The following SLC29A3 variants were observed in gnomAD, a reference collection of about 807,000 sequenced individuals.
SLC29A3 encodes solute carrier family 29 member 3, also known as equilibrative nucleoside transporter 3.
A neutral mutation model predicts 25.4 loss-of-function variants in SLC29A3; 18 were observed. That is an observed-to-expected ratio of 0.71 (90% CI 0.49 to 1.05). The LOEUF (loss-of-function observed/expected upper bound fraction) is 1.05. Ranked by LOEUF, SLC29A3 falls within the 50% of genes least tolerant of loss-of-function variation. The pLI is 0.00. For missense variants in SLC29A3, 586 were observed against 609.0 expected (o/e 0.96, Z 0.40); for synonymous variants, 258 against 267.1 (o/e 0.97, Z 0.33).
intron 3 of SLC29A3, among the ~76,000 whole-genome samples, chr10:71,344,604 A>T (rs1475719097): frequency 6.6e-6 from 1 of 152,196 alleles, no homozygotes; most frequent in Non-Finnish European, 1.5e-5. Flanking sequence ...TCAGTCTGCA[A>T]GTCTGTGGCC....
intron 3 of SLC29A3, among the ~76,000 whole-genome samples, chr10:71,350,991 A>G (rs1342642577): frequency 6.6e-6 from 1 of 152,230 alleles, no homozygotes; most frequent in Non-Finnish European, 1.5e-5. Context: ...TGCATTAAAC[A>G]CTGTTTGAGT....
At chr10:71,339,077 A>C (rs1240295319) in intron 2 of SLC29A3, among the ~76,000 whole-genome samples, 1 of 152,242 alleles carries the variant, frequency 6.6e-6, no homozygotes, top group Admixed American at 6.5e-5. Context: ...AGATGCTGCC[A>C]CCAGCACTCC....
At chr10:71,328,251 C>T (rs1336785467) in intron 2 of SLC29A3, among the ~76,000 whole-genome samples, 1 of 152,160 alleles carries the variant, frequency 6.6e-6, no homozygotes, top group Non-Finnish European at 1.5e-5. Flanking sequence ...CCCCATCTGA[C>T]CAGGAGGTAC....
chr10:71,344,866 T>G (rs1445888893), intron 3 of SLC29A3, among the ~76,000 whole-genome samples: 1 of 152,232 alleles, frequency 6.6e-6, no homozygotes, highest in Non-Finnish European at 1.5e-5. Flanking sequence ...CCCTAGCTAC[T>G]TTGCCTGCAT....
intron 5 of SLC29A3, among the ~76,000 whole-genome samples, chr10:71,356,891 T>C (rs771202179): frequency 2.6e-5 from 4 of 152,162 alleles, no homozygotes; most frequent in Non-Finnish European, 5.9e-5. Context: ...ACAGTACTAT[T>C]ATTATTTTTT....
intron 4 of SLC29A3, among the ~76,000 whole-genome samples, chr10:71,379,590 G>A (rs540235431): frequency 6.6e-6 from 1 of 152,248 alleles, no homozygotes; most frequent in East Asian, 1.9e-4. Context: ...TAGGCTCTTT[G>A]TTCTTCTCTT....
At chr10:71,369,801 CTG>C (rs1226692923) in intron 3 of SLC29A3, among the ~76,000 whole-genome samples, 1 of 152,190 alleles carries the variant, frequency 6.6e-6, no homozygotes, top group Non-Finnish European at 1.5e-5. Flanking sequence ...GATGAGGAAA[CTG>C]AGACTCAGAA....
intron 1 of SLC29A3, 91 bp from the exon 2 acceptor site, chr10:71,322,665 T>C: frequency 3.4e-6 from 5 of 1,473,576 alleles, no homozygotes; most frequent in Non-Finnish European, 4.7e-6. Flanking sequence ...GGGGGCATGG[T>C]CATTTTGTAG....
At chr10:71,377,045 C>G (rs948532557) in intron 4 of SLC29A3, among the ~76,000 whole-genome samples, 1 of 152,218 alleles carries the variant, frequency 6.6e-6, no homozygotes, top group Non-Finnish European at 1.5e-5. Flanking sequence ...GGATTACAGG[C>G]GTGAGCCACC....
intron 5 of SLC29A3, among the ~76,000 whole-genome samples, chr10:71,359,777 G>C (rs1026676268): frequency 1.4e-4 from 22 of 152,304 alleles, no homozygotes; most frequent in African/African-American, 4.8e-4. Flanking sequence ...CAGAGACAAG[G>C]CTGAAACCAG....
chr10:71,381,149 A>G (rs1274925617), exon 5 of SLC29A3: 2 of 152,294 alleles, frequency 1.3e-5, no homozygotes, highest in Non-Finnish European at 2.9e-5. Context: ...ATTTATCCAA[A>G]CCCACAGAAT....
rs151169722 is a variant in SLC29A3 at position 71,373,230 on chromosome 10, A to G, written c.*95-2465A>G. Among the ~76,000 whole-genome samples the G allele has an allele frequency of 7.9e-5, 12 of 152,350 alleles. No homozygotes were observed. The East Asian group carries it at 2.3e-3, about 29-fold the overall frequency. ...AACTGAATTGACTGCATTTTCTAAT[A>G]ATGTTGTGTGAATTACGAATGCAGA... On this transcript the variant is annotated intron_variant and NMD_transcript_variant, in intron 3 of 4. Transcript: ENST00000642772.
chr10:71,370,239 CA>C (rs1425571793), intron 3 of SLC29A3, among the ~76,000 whole-genome samples: 1 of 152,214 alleles, frequency 6.6e-6, no homozygotes, highest in Non-Finnish European at 1.5e-5. Context: ...TCCAACGTGC[CA>C]AGGAACCGTG....
downstream of SLC29A3, among the ~76,000 whole-genome samples, chr10:71,363,566 T>C (rs1160644085): frequency 6.9e-6 from 1 of 145,488 alleles, no homozygotes; most frequent in Non-Finnish European, 1.5e-5. Context: ...TGGGCTCCAG[T>C]GATCTTCCAG....
intron 2 of SLC29A3, among the ~76,000 whole-genome samples, chr10:71,335,540 G>C (rs1239250391): frequency 6.6e-6 from 1 of 152,190 alleles, no homozygotes; most frequent in Non-Finnish European, 1.5e-5. Flanking sequence ...GATGCCTGGG[G>C]GAGAGGCTAG....
intron 5 of SLC29A3, among the ~76,000 whole-genome samples, chr10:71,358,537 G>A (rs1846975130): frequency 6.6e-6 from 1 of 152,160 alleles, no homozygotes; most frequent in South Asian, 2.1e-4. Flanking sequence ...GCCCTGGCTG[G>A]CTCTCCATCC....
At chr10:71,328,331 C>T (rs1344507949) in intron 2 of SLC29A3, among the ~76,000 whole-genome samples, 1 of 152,202 alleles carries the variant, frequency 6.6e-6, no homozygotes, top group Non-Finnish European at 1.5e-5. Flanking sequence ...CCCCTGAAGC[C>T]ACCTCTCTGA....
chr10:71,378,893 C>T (rs748988433), intron 4 of SLC29A3, among the ~76,000 whole-genome samples: 10 of 152,186 alleles, frequency 6.6e-5, no homozygotes, highest in Admixed American at 3.9e-4. Context: ...TTCTAATAAA[C>T]GACTTGCACT....
intron 2 of SLC29A3, among the ~76,000 whole-genome samples, chr10:71,330,775 A>G (rs1846100023): frequency 6.6e-6 from 1 of 152,220 alleles, no homozygotes; most frequent in Non-Finnish European, 1.5e-5. Context: ...AGGCACTGCT[A>G]AGGGCACAGA....
Sources: gnomAD v4.1 joint callset for allele counts (sites outside exome capture counted in the v4.1 genomes callset) on GRCh38, gnomAD v4.1.1 for gene constraint, MANE v1.5 for transcripts, NCBI Gene and HGNC (gene_info 2026-07-23, HGNC 2026-07-21) for gene names.